The following TIMM23B variants were observed in gnomAD, a reference collection of about 807,000 sequenced individuals.
TIMM23B encodes the protein translocase of inner mitochondrial membrane 23 homolog B.
A neutral mutation model predicts 27.3 loss-of-function variants in TIMM23B; 27 were observed. The ratio of observed to expected loss-of-function variants is 0.99; its 90% CI spans 0.73 to 1.36. The LOEUF (loss-of-function observed/expected upper bound fraction) is 1.36, where lower values mean the gene tolerates loss of function less well. TIMM23B is among the 40% of genes most tolerant of loss of function. The pLI, the probability that TIMM23B is intolerant of heterozygous loss-of-function variation, is 0.00. For synonymous variants in TIMM23B, 73 were observed against 92.4 expected (o/e 0.79, Z 1.21); for missense variants, 205 against 244.2 (o/e 0.84, Z 1.07).
chr10:49,970,508 T>C, intron 6 of TIMM23B: 1 of 157,152 alleles, frequency 6.4e-6, no homozygotes, highest in Non-Finnish European at 1.4e-5. Context: ...GAGGAGCCCC[T>C]CCGCCTGGCA....
At chr10:49,972,304 C>T (rs1466468046) in intron 6 of TIMM23B, among the ~76,000 whole-genome samples, 1 of 152,100 alleles carries the variant, frequency 6.6e-6, no homozygotes, top group Non-Finnish European at 1.5e-5. Flanking sequence ...GCGTGAGTCA[C>T]AGGTTGCACT....
At chr10:49,965,631 G>A (rs1163519551) in intron 6 of TIMM23B, among the ~76,000 whole-genome samples, 1 of 151,606 alleles carries the variant, frequency 6.6e-6, no homozygotes, top group African/African-American at 2.4e-5. Context: ...TCCAGACTGG[G>A]CGATAGAGCG....
At chr10:49,966,539 T>C (rs1167075412) in intron 6 of TIMM23B, among the ~76,000 whole-genome samples, 336 of 151,022 alleles carry the variant, frequency 2.2e-3, no homozygotes, top group East Asian at 9.2e-3. Flanking sequence ...AAATGAAATA[T>C]GAAATGCTGG....
At chr10:49,964,761 A>G (rs550774808) in intron 6 of TIMM23B, among the ~76,000 whole-genome samples, 55 of 152,046 alleles carry the variant, frequency 3.6e-4, no homozygotes, top group Non-Finnish European at 3.4e-4. Flanking sequence ...AAGAAATGAA[A>G]TAATGAATAA....
intron 2 of TIMM23B, among the ~76,000 whole-genome samples, chr10:49,950,207 T>C (rs1489665998): frequency 6.6e-6 from 1 of 150,718 alleles, no homozygotes; most frequent in Non-Finnish European, 1.5e-5. Flanking sequence ...TTTCTTTTTT[T>C]TTTTTTTTTT....
At chr10:49,944,320 G>A (rs1343180493) in intron 1 of TIMM23B, among the ~76,000 whole-genome samples, 1 of 152,196 alleles carries the variant, frequency 6.6e-6, no homozygotes, top group Non-Finnish European at 1.5e-5. Flanking sequence ...AATTCAAAAT[G>A]GGTATTAAAA....
chr10:49,951,509 G>A (rs1364581393), intron 2 of TIMM23B, among the ~76,000 whole-genome samples: 78,521 of 151,644 alleles, frequency 0.52, 20,624 homozygotes, highest in East Asian at 0.59. Context: ...TCTTAAGAGT[G>A]TCATTTCTCA....
Position 49,952,394 on chromosome 10 carries a change from G to GT in TIMM23B, c.260-45dup, listed in dbSNP as rs1367649808. ...AGAAGTGTAGTTATGCAGTTTTGAG[G>GT]TTTTTTTTTTAATATAAAGCTGTCT... On this transcript the variant is annotated intron_variant, in intron 3 of 6. Coordinates refer to ENST00000651259, the MANE Select transcript of TIMM23B (RefSeq NM_001290117.2). 6,325 of 1,356,976 alleles carry GT rather than the reference G, an allele frequency of 4.7e-3. 2 individuals are homozygous for GT. Among genetic ancestry groups the GT allele is most frequent in the African/African-American group, 9.1e-3 (622 of 68,202 alleles). 84.1% of individuals were successfully genotyped at this position (1,356,976 alleles called of 1,614,324 possible).
chr10:49,969,461 A>G (rs1358845285), intron 6 of TIMM23B, among the ~76,000 whole-genome samples: 1 of 149,738 alleles, frequency 6.7e-6, no homozygotes, highest in Non-Finnish European at 1.5e-5. Flanking sequence ...AAAAAAAGAT[A>G]GATTCTAAGA....
intron 6 of TIMM23B, among the ~76,000 whole-genome samples, chr10:49,958,778 C>T (rs1250415306): frequency 6.6e-6 from 1 of 152,186 alleles, no homozygotes; most frequent in Non-Finnish European, 1.5e-5. Context: ...TTTACCACTT[C>T]CTTAGCTCCT....
intron 6 of TIMM23B, among the ~76,000 whole-genome samples, chr10:49,964,408 C>T (rs536149285): frequency 5.6e-4 from 85 of 150,994 alleles, no homozygotes; most frequent in Non-Finnish European, 1.0e-3. Flanking sequence ...CGCAGTCCAG[C>T]CTGGGTGATA....
At chr10:49,954,927 G>T (rs1273900182) in intron 4 of TIMM23B, 75 bp from the exon 5 acceptor site, 15 of 1,577,364 alleles carry the variant, frequency 9.5e-6, no homozygotes. Flanking sequence ...ATGTTAAATA[G>T]CCATTATTGT....
intron 6 of TIMM23B, among the ~76,000 whole-genome samples, chr10:49,959,434 A>G (rs1839826282): frequency 6.6e-6 from 1 of 152,232 alleles, no homozygotes; most frequent in African/African-American, 2.4e-5. Flanking sequence ...CAAGGGTCAG[A>G]TAATTCTCTT....
At chr10:49,959,731 A>C (rs1329484009) in intron 6 of TIMM23B, among the ~76,000 whole-genome samples, 1 of 151,934 alleles carries the variant, frequency 6.6e-6, no homozygotes, top group Non-Finnish European at 1.5e-5. Flanking sequence ...CCTTTTCCCA[A>C]AGGCAACTTT....
At chr10:49,951,186 G>A (rs1479197153) in intron 2 of TIMM23B, among the ~76,000 whole-genome samples, 10 of 152,150 alleles carry the variant, frequency 6.6e-5, no homozygotes, top group African/African-American at 2.4e-4. Context: ...AAAAACCAAG[G>A]CAGAACCACA....
chr10:49,964,072 T>A (rs370541802), intron 6 of TIMM23B, among the ~76,000 whole-genome samples: 686 of 145,500 alleles, frequency 4.7e-3, no homozygotes, highest in East Asian at 0.019. Flanking sequence ...ATGAAATGGA[T>A]TGAAATTGAA....
chr10:49,953,681 T>A (rs1379629456), intron 4 of TIMM23B, among the ~76,000 whole-genome samples: 5 of 152,176 alleles, frequency 3.3e-5, no homozygotes, highest in Non-Finnish European at 2.9e-5. Context: ...ACTGTGTGGA[T>A]CTCTGTCCAT....
chr10:49,965,678 G>GA (rs1475454853), intron 6 of TIMM23B, among the ~76,000 whole-genome samples: 3 of 145,000 alleles, frequency 2.1e-5, no homozygotes, highest in Admixed American at 2.1e-4. Context: ...CAAATGAAAT[G>GA]AAATGAAGTG....
At chr10:49,961,479 G>A (rs1839904182) in intron 6 of TIMM23B, among the ~76,000 whole-genome samples, 1 of 151,708 alleles carries the variant, frequency 6.6e-6, no homozygotes, top group Non-Finnish European at 1.5e-5. Context: ...TTGTTATATT[G>A]TGGAAGCAAT....
Sources: gnomAD v4.1 joint callset for allele counts (sites outside exome capture counted in the v4.1 genomes callset) on GRCh38, gnomAD v4.1.1 for gene constraint, MANE v1.5 for transcripts, NCBI Gene and HGNC (gene_info 2026-07-23, HGNC 2026-07-21) for gene names.